The following NAV2 variants were observed in gnomAD, a reference collection of about 807,000 sequenced individuals.
NAV2 encodes the protein neuron navigator 2.
Under a neutral mutation model 223.2 loss-of-function variants are expected in NAV2, and 54 were observed. That is an observed-to-expected ratio of 0.24 (90% confidence interval 0.19 to 0.30). NAV2 has a LOEUF of 0.30. NAV2 is among the 10% of genes least tolerant of loss of function. The pLI is 1.00. For missense variants in NAV2, 2,806 were observed against 3,147.5 expected (o/e 0.89, Z 2.60); for synonymous variants, 1,279 against 1,239.3 (o/e 1.03, Z -0.67).
At chr11:19,621,224 T>A (rs1010117256) in intron 1 of NAV2, among the ~76,000 whole-genome samples, 5 of 152,166 alleles carry the variant, frequency 3.3e-5, no homozygotes, top group African/African-American at 1.2e-4. Flanking sequence ...AAAATTCTCT[T>A]TTTTTGTTGT....
intron 1 of NAV2, among the ~76,000 whole-genome samples, chr11:19,831,008 T>A (rs1329899320): frequency 6.6e-6 from 1 of 151,884 alleles, no homozygotes; most frequent in Non-Finnish European, 1.5e-5. Flanking sequence ...TGGGTGCACC[T>A]TTGCAGTGGA....
chr11:19,577,115 G>C (rs2045592738), intron 1 of NAV2, among the ~76,000 whole-genome samples: 1 of 152,234 alleles, frequency 6.6e-6, no homozygotes, highest in African/African-American at 2.4e-5. Context: ...GCCACTGTTT[G>C]GTAAATAGTG....
At chr11:19,885,994 T>C (rs73437697) in intron 5 of NAV2, among the ~76,000 whole-genome samples, 2,672 of 152,220 alleles carry the variant, frequency 0.018, 86 homozygotes, top group African/African-American at 0.06. Flanking sequence ...CAGACTCTTG[T>C]GTATTGATTT....
intron 1 of NAV2, among the ~76,000 whole-genome samples, chr11:19,761,065 A>G (rs2054699090): frequency 6.6e-6 from 1 of 152,212 alleles, no homozygotes; most frequent in African/African-American, 2.4e-5. Flanking sequence ...GATGGAGGCC[A>G]GAATGAGTCT....
chr11:20,077,008 C>T (rs2059798316), intron 22 of NAV2, among the ~76,000 whole-genome samples: 1 of 152,088 alleles, frequency 6.6e-6, no homozygotes, highest in Non-Finnish European at 1.5e-5. Flanking sequence ...AACAAGCAAA[C>T]TACGCCAACC....
chr11:20,076,351 G>A (rs528920339), intron 22 of NAV2, among the ~76,000 whole-genome samples: 1 of 152,300 alleles, frequency 6.6e-6, no homozygotes, highest in African/African-American at 2.4e-5. Flanking sequence ...TTTTGTACCA[G>A]CAGTGTGGAT....
chr11:19,937,979 C>T (rs1317549829), intron 7 of NAV2, among the ~76,000 whole-genome samples: 1 of 152,194 alleles, frequency 6.6e-6, no homozygotes, highest in Non-Finnish European at 1.5e-5. Context: ...GAAGCTGCAT[C>T]TTAAAGACAG....
intron 21 of NAV2, 23 bp from the exon 22 acceptor site, chr11:20,068,301 A>G (rs560723730): frequency 2.5e-6 from 4 of 1,612,808 alleles, no homozygotes; most frequent in Non-Finnish European, 3.4e-6. Flanking sequence ...AAAGCATGTA[A>G]CCCTCTCCCT....
At chr11:19,534,985 G>A (rs943393367) in intron 1 of NAV2, among the ~76,000 whole-genome samples, 2 of 152,158 alleles carry the variant, frequency 1.3e-5, no homozygotes, top group Non-Finnish European at 2.9e-5. Context: ...TGTTTTGAGT[G>A]CAAAATAAGT....
chr11:19,515,443 T>C (rs1203708363), intron 1 of NAV2, among the ~76,000 whole-genome samples: 3 of 152,232 alleles, frequency 2.0e-5, no homozygotes, highest in Non-Finnish European at 4.4e-5. Context: ...TTATTTTTAA[T>C]TGTATTTTTT....
At chr11:19,789,691 T>C (rs1666472559) in intron 1 of NAV2, among the ~76,000 whole-genome samples, 1 of 152,226 alleles carries the variant, frequency 6.6e-6, no homozygotes, top group Non-Finnish European at 1.5e-5. Context: ...TGAGAATTTA[T>C]TGTCCAGTGG....
chr11:19,673,622 G>A (rs2048629506), intron 1 of NAV2, among the ~76,000 whole-genome samples: 2 of 152,190 alleles, frequency 1.3e-5, no homozygotes, highest in Non-Finnish European at 2.9e-5. Flanking sequence ...TGGCACATTA[G>A]TCAGTTTTAT....
At chr11:19,735,951 AGTATG>A (rs1466965879) in intron 1 of NAV2, among the ~76,000 whole-genome samples, 1 of 152,214 alleles carries the variant, frequency 6.6e-6, no homozygotes, top group African/African-American at 2.4e-5. Flanking sequence ...CCATCTGCCC[AGTATG>A]GGGGCAACAT....
chr11:19,719,974 G>A (rs150713006), intron 1 of NAV2, among the ~76,000 whole-genome samples: 96 of 152,308 alleles, frequency 6.3e-4, no homozygotes, highest in African/African-American at 2.2e-3. Context: ...GCCTAGCCCA[G>A]GACAGGACCA....
chr11:19,765,354 TC>T (rs2055114889), intron 1 of NAV2, among the ~76,000 whole-genome samples: 1 of 150,398 alleles, frequency 6.6e-6, no homozygotes, highest in African/African-American at 2.5e-5. Context: ...TTCCTCCTCA[TC>T]CTGTCCTCCT....
intron 1 of NAV2, among the ~76,000 whole-genome samples, chr11:19,811,811 G>A (rs1035475868): frequency 6.6e-6 from 1 of 152,174 alleles, no homozygotes; most frequent in Non-Finnish European, 1.5e-5. Flanking sequence ...ATTCTAGGGG[G>A]ATGGTACTTA....
At chr11:20,057,643 C>T (rs571726812) in intron 19 of NAV2, among the ~76,000 whole-genome samples, 10 of 152,318 alleles carry the variant, frequency 6.6e-5, no homozygotes, top group East Asian at 1.9e-4. Context: ...CCAACCTCCC[C>T]GGGAAGGATT....
rs190558797 is a variant in NAV2 at position 20,118,267 on chromosome 11, C to T, written c.*9C>T. 1.6e-4 allele frequency: 259 copies of T among 1,613,364 alleles called. 1 individual carries two copies. In the East Asian group the frequency reaches 4.5e-3, roughly 28 times the overall value. ...TGGAGTCCACTCTGTGACAGGGGCC[C>T]GGAGCCCAGCGCCCTCCTCTTCTCC... On this transcript the variant is annotated 3_prime_UTR_variant, in exon 38 of 38. Transcript: ENST00000349880.
chr11:19,627,195 C>T (rs2047196430), intron 1 of NAV2, among the ~76,000 whole-genome samples: 1 of 152,142 alleles, frequency 6.6e-6, no homozygotes, highest in African/African-American at 2.4e-5. Flanking sequence ...CGAGACCAGC[C>T]TAGCCAACAT....
Sources: allele counts gnomAD v4.1 joint callset (sites outside exome capture counted in the v4.1 genomes callset), GRCh38; gene constraint gnomAD v4.1.1; transcripts MANE v1.5; gene names NCBI Gene and HGNC (gene_info 2026-07-23, HGNC 2026-07-21).